The following BIRC6 variants were observed in gnomAD, a reference collection of about 807,000 sequenced individuals.
BIRC6 encodes the protein baculoviral IAP repeat containing 6.
In BIRC6, 98 loss-of-function variants were observed where a neutral mutation model predicts 503.3. The observed-to-expected ratio is 0.19, with a 90% confidence interval of 0.17 to 0.23. BIRC6 has a LOEUF of 0.23. Ranked by LOEUF, BIRC6 falls within the 10% of genes least tolerant of loss-of-function variation. BIRC6 has a pLI of 1.00. For synonymous variants in BIRC6, 2,240 were observed against 2,078.7 expected (o/e 1.08, Z -2.11); for missense variants, 5,360 against 5,806.0 (o/e 0.92, Z 2.50).
intron 1 of BIRC6, among the ~76,000 whole-genome samples, chr2:32,374,250 C>G (rs2036397353): frequency 6.6e-6 from 1 of 152,032 alleles, no homozygotes; most frequent in Non-Finnish European, 1.5e-5. Flanking sequence ...ATAGTCATAT[C>G]TCTTGACTCT....
At chr2:32,429,849 G>C (rs2043906157) in intron 11 of BIRC6, among the ~76,000 whole-genome samples, 1 of 152,088 alleles carries the variant, frequency 6.6e-6, no homozygotes, top group South Asian at 2.1e-4. Flanking sequence ...CCAGTTACTT[G>C]AGTTAACCAA....
chr2:32,478,918 A>G, intron 36 of BIRC6, 100 bp downstream of exon 36: 1 of 1,153,550 alleles, frequency 8.7e-7, no homozygotes, highest in Admixed American at 2.5e-5. Flanking sequence ...GGGATCTTTA[A>G]CCCCCTAAAA....
chr2:32,384,417 A>G (rs2038148120), intron 3 of BIRC6, among the ~76,000 whole-genome samples: 1 of 151,708 alleles, frequency 6.6e-6, no homozygotes, highest in Admixed American at 6.6e-5. Context: ...TTTCTTGATC[A>G]GAAGCAAAGT....
chr2:32,464,313 A>AT (rs1254572557), intron 24 of BIRC6, among the ~76,000 whole-genome samples, 196 bp from the exon 25 acceptor site: 1 of 152,156 alleles, frequency 6.6e-6, no homozygotes, highest in Non-Finnish European at 1.5e-5. Context: ...TGCACAGGAA[A>AT]TTTTGTGTTA....
intron 39 of BIRC6, among the ~76,000 whole-genome samples, chr2:32,485,298 C>T (rs1204312849): frequency 6.6e-6 from 1 of 152,194 alleles, no homozygotes; most frequent in Non-Finnish European, 1.5e-5. Context: ...TGGATTTAAT[C>T]TAACTCCATA....
At chr2:32,535,584 C>T (rs2057164206) in intron 61 of BIRC6, among the ~76,000 whole-genome samples, 1 of 152,170 alleles carries the variant, frequency 6.6e-6, no homozygotes, top group South Asian at 2.1e-4. Flanking sequence ...CGATAGTTTG[C>T]TGAGAAAGAT....
At chr2:32,405,534 C>G (rs1408466583) in intron 8 of BIRC6, among the ~76,000 whole-genome samples, 1 of 152,010 alleles carries the variant, frequency 6.6e-6, no homozygotes, top group Non-Finnish European at 1.5e-5. Flanking sequence ...AGGCCAGGTG[C>G]GGTGGCTTAT....
intron 1 of BIRC6, among the ~76,000 whole-genome samples, chr2:32,367,252 A>G (rs1375685314): frequency 2.6e-5 from 4 of 151,888 alleles, no homozygotes; most frequent in African/African-American, 7.3e-5. Context: ...CACCTGAGGT[A>G]CGGAGTTCGA....
At chr2:32,548,230 G>C (rs892232732) in intron 64 of BIRC6, among the ~76,000 whole-genome samples, 14 of 151,448 alleles carry the variant, frequency 9.2e-5, no homozygotes, top group African/African-American at 3.2e-4. Context: ...TTCACTGAGA[G>C]GAAAGTGGCA....
rs1030640983 is a variant in BIRC6, at chr2:32,467,983, C to T, written c.5652C>T (p.Ile1884=). Residue 1884 remains isoleucine, a synonymous_variant, in exon 28 of 74, where the codon ATC becomes ATT. Transcript: ENST00000421745. The part of the protein sequence containing the change: ...PLGFYYGHTY[I]LPWESELKLM... ...GATTTTACTATGGTCATACCTACATCTTGCCTTGGGAAAGTGAACTGAAGT... is the reference window on the plus strand; with the variant it reads ...GATTTTACTATGGTCATACCTACATTTTGCCTTGGGAAAGTGAACTGAAGT... The T allele has an allele frequency of 3.7e-6, 6 of 1,613,738 alleles. No individual in the cohort carries two copies. The highest frequency in any genetic ancestry group is 5.1e-6 in the Non-Finnish European group (6 of 1,179,804).
intron 23 of BIRC6, among the ~76,000 whole-genome samples, chr2:32,462,642 A>G (rs903180422): frequency 1.3e-5 from 2 of 152,234 alleles, no homozygotes; most frequent in Non-Finnish European, 2.9e-5. Context: ...TCACTTTACT[A>G]TAACAAAGAT....
intron 18 of BIRC6, 28 bp from the exon 19 acceptor site, chr2:32,442,296 A>T (rs759105998): frequency 1.2e-6 from 2 of 1,610,144 alleles, no homozygotes; most frequent in Non-Finnish European, 1.7e-6. Context: ...GTTCAGGATG[A>T]GTCTAAATGT....
At chr2:32,491,688 G>T in intron 44 of BIRC6, 130 bp downstream of exon 44, 2 of 1,029,048 alleles carry the variant, frequency 1.9e-6, no homozygotes, top group Admixed American at 5.6e-5. Flanking sequence ...TAATAAAAAA[G>T]GTTTTGTTAT....
chr2:32,437,143 G>A (rs1181776833), intron 15 of BIRC6, among the ~76,000 whole-genome samples: 2 of 151,944 alleles, frequency 1.3e-5, no homozygotes, highest in Non-Finnish European at 2.9e-5. Flanking sequence ...GCCTGCCTCG[G>A]TCCCCCAAAG....
intron 8 of BIRC6, among the ~76,000 whole-genome samples, chr2:32,402,942 AGATAAACATGTATTCTGTATTATTAGTG>A: frequency 6.6e-6 from 1 of 152,350 alleles, no homozygotes; most frequent in South Asian, 2.1e-4. Context: ...TCTGCATTTT[AGATAAACATGTATTCTGTATTATTAGTG>A]GAAATACTTC....
Position 32,504,559 on chromosome 2 carries a change from C to T in BIRC6, c.9500-446C>T, listed in dbSNP as rs1402849940. 4.6e-5 allele frequency among the ~76,000 whole-genome samples: 7 copies of T among 151,890 alleles called. No homozygotes were observed. The South Asian group carries it at 8.3e-4, about 18-fold the overall frequency. ...GCAGGCGCCTGTAGTCCCAGCTACT[C>T]GGGAGGCTGAGGCAGGAGAATGGCC... On this transcript the variant is annotated intron_variant, in intron 49 of 73. Transcript: ENST00000421745.
intron 61 of BIRC6, among the ~76,000 whole-genome samples, chr2:32,535,913 G>A (rs1351602983): frequency 6.6e-6 from 1 of 152,198 alleles, no homozygotes; most frequent in Admixed American, 6.5e-5. Flanking sequence ...CTAGTTTACA[G>A]TCCCACCAAC....
At chr2:32,582,757 A>AAAAC (rs538719310) in intron 66 of BIRC6, among the ~76,000 whole-genome samples, 16 of 152,240 alleles carry the variant, frequency 1.1e-4, no homozygotes, top group South Asian at 2.1e-4. Flanking sequence ...CTCTGTCTCA[A>AAAAC]AAACAAACAA....
chr2:32,609,200 A>G (rs2062681581), intron 72 of BIRC6, among the ~76,000 whole-genome samples: 1 of 151,858 alleles, frequency 6.6e-6, no homozygotes, highest in Non-Finnish European at 1.5e-5. Flanking sequence ...CCTTTTCTTT[A>G]GGAAAAAAAT....
Sources: gnomAD v4.1 joint callset for allele counts (sites outside exome capture counted in the v4.1 genomes callset) on GRCh38, gnomAD v4.1.1 for gene constraint, MANE v1.5 for transcripts, NCBI Gene and HGNC (gene_info 2026-07-23, HGNC 2026-07-21) for gene names.